GAK: variants seen among roughly 807,000 people sequenced by gnomAD.
The protein encoded by GAK is cyclin-G-associated kinase.
A neutral mutation model predicts 143.9 loss-of-function variants in GAK; 79 were observed. The observed-to-expected ratio is 0.55, with a 90% CI of 0.46 to 0.66. GAK has a LOEUF of 0.66. Ranked by LOEUF, GAK falls within the 30% of genes least tolerant of loss-of-function variation. The pLI is 0.00. For synonymous variants in GAK, 881 were observed against 765.5 expected (o/e 1.15, Z -2.49); for missense variants, 1,693 against 1,779.7 (o/e 0.95, Z 0.88).
intron 16 of GAK, 87 bp downstream of exon 16, chr4:877,528 T>C: frequency 7.3e-7 from 1 of 1,374,288 alleles, no homozygotes; most frequent in South Asian, 1.4e-5. Flanking sequence ...CAAGCGCCTG[T>C]CCCCGGCAAG....
At chr4:887,966 CA>C (rs1331505034) in intron 11 of GAK, 2 of 152,322 alleles carry the variant, frequency 1.3e-5, no homozygotes, top group Non-Finnish European at 2.9e-5. Context: ...CACACATGCT[CA>C]AAGACACATG....
At chr4:859,023 G>A (rs1177840034) in intron 24 of GAK, among the ~76,000 whole-genome samples, 1 of 152,246 alleles carries the variant, frequency 6.6e-6, no homozygotes, top group African/African-American at 2.4e-5. Flanking sequence ...CGCCGCCGAC[G>A]CTTCTTCTGA....
At chr4:899,626 C>T (rs1719481995) in intron 5 of GAK, among the ~76,000 whole-genome samples, 1 of 152,184 alleles carries the variant, frequency 6.6e-6, no homozygotes, top group African/African-American at 2.4e-5. Context: ...AGGCCATGGG[C>T]ACCCAGGACA....
At chr4:891,878 G>C (rs1009282368) in intron 9 of GAK, among the ~76,000 whole-genome samples, 10 of 152,138 alleles carry the variant, frequency 6.6e-5, no homozygotes, top group African/African-American at 2.4e-4. Context: ...AGCTTGCTGA[G>C]AGGCCACCAG....
chr4:930,538 G>C (rs1725490777), intron 1 of GAK, among the ~76,000 whole-genome samples: 1 of 150,052 alleles, frequency 6.7e-6, no homozygotes, highest in Admixed American at 6.7e-5. Context: ...AGCTCACACT[G>C]TCTGTACCAC....
chr4:926,850 C>T (rs1577338343), intron 1 of GAK, among the ~76,000 whole-genome samples: 2 of 149,930 alleles, frequency 1.3e-5, no homozygotes, highest in African/African-American at 2.5e-5. Context: ...CCTCCCAGCT[C>T]ACCTGCGCTC....
At chr4:884,466 G>A (rs528457824) in intron 11 of GAK, 2 of 240,772 alleles carry the variant, frequency 8.3e-6, no homozygotes, top group Admixed American at 5.4e-5. Context: ...TGGCTTGGAC[G>A]ATGGTCACGG....
chr4:877,060 G>A (rs756727321), intron 17 of GAK, 30 bp downstream of exon 17: 24 of 1,476,158 alleles, frequency 1.6e-5, no homozygotes, highest in Admixed American at 3.4e-5. Flanking sequence ...CGTGAGTGGG[G>A]AGCACCGGGC....
intron 14 of GAK, among the ~76,000 whole-genome samples, chr4:882,483 C>G (rs772564365): frequency 7.3e-5 from 11 of 150,792 alleles, no homozygotes; most frequent in Non-Finnish European, 1.3e-4. Flanking sequence ...GCATGCAGGT[C>G]AAGGCCAGGA....
intron 25 of GAK, 23 bp from the exon 26 acceptor site, chr4:851,107 TTTTG>T (rs1192280626): frequency 5.0e-6 from 8 of 1,608,988 alleles, no homozygotes; most frequent in Middle Eastern, 1.8e-4. Context: ...AGAAACTTTT[TTTTG>T]TTTGAGACAG....
chr4:884,612 C>G (rs1188144474), intron 11 of GAK, among the ~76,000 whole-genome samples: 2 of 152,258 alleles, frequency 1.3e-5, no homozygotes, highest in Non-Finnish European at 2.9e-5. Flanking sequence ...CAACTCTCTA[C>G]AGACCAACTG....
intron 6 of GAK, 127 bp downstream of exon 6, chr4:897,906 A>C (rs1719112314): frequency 9.2e-7 from 1 of 1,088,440 alleles, no homozygotes; most frequent in Non-Finnish European, 1.3e-6. Flanking sequence ...CCGGGATTGC[A>C]CCACTGCACT....
intron 10 of GAK, 63 bp from the exon 11 acceptor site, chr4:889,033 T>C: frequency 1.3e-6 from 2 of 1,527,444 alleles, no homozygotes; most frequent in South Asian, 2.4e-5. Flanking sequence ...AGGTGCGGGT[T>C]GCTGGCTGGG....
At chr4:864,581 C>A (rs534382319) in intron 23 of GAK, among the ~76,000 whole-genome samples, 1 of 152,306 alleles carries the variant, frequency 6.6e-6, no homozygotes, top group African/African-American at 2.4e-5. Flanking sequence ...ACGGGAAGGA[C>A]AGACGCTCAC....
At chr4:877,228 G>C (rs756128185) in intron 16 of GAK, 21 bp from the exon 17 acceptor site, 1 of 1,565,124 alleles carries the variant, frequency 6.4e-7, no homozygotes, top group South Asian at 1.1e-5. Context: ...AATGACAAGA[G>C]AAAAATTTTA....
chr4:878,473 T>G (rs1400588149), intron 15 of GAK, among the ~76,000 whole-genome samples: 1 of 152,114 alleles, frequency 6.6e-6, no homozygotes, highest in Non-Finnish European at 1.5e-5. Context: ...CCTTGCATAT[T>G]CCATGTGCAT....
intron 18 of GAK, among the ~76,000 whole-genome samples, chr4:874,380 A>T (rs1321679721): frequency 6.6e-6 from 1 of 152,124 alleles, no homozygotes; most frequent in African/African-American, 2.4e-5. Flanking sequence ...TGCCTTGGAT[A>T]CTTGCTGAAA....
intron 1 of GAK, among the ~76,000 whole-genome samples, chr4:924,829 T>C (rs1055845650): frequency 3.4e-5 from 5 of 147,346 alleles, no homozygotes; most frequent in South Asian, 4.3e-4. Flanking sequence ...GGGGTGGAGT[T>C]CCCCCGGGGG....
chr4:878,261 C>T (rs1400536874), intron 15 of GAK, among the ~76,000 whole-genome samples: 1 of 152,114 alleles, frequency 6.6e-6, no homozygotes, highest in Non-Finnish European at 1.5e-5. Context: ...TGGTGGTGTG[C>T]ACCTGTAATC....
Sources: gnomAD v4.1 joint callset for allele counts (sites outside exome capture counted in the v4.1 genomes callset) on GRCh38, gnomAD v4.1.1 for gene constraint, MANE v1.5 for transcripts, NCBI Gene and HGNC (gene_info 2026-07-23, HGNC 2026-07-21) for gene names.